Variants in KDM4C observed in about 807,000 individuals in gnomAD.
KDM4C encodes lysine-specific demethylase 4C.
Under a neutral mutation model 129.3 loss-of-function variants are expected in KDM4C, and 81 were observed. That is an observed-to-expected ratio of 0.63 (90% CI 0.52 to 0.75). KDM4C has a LOEUF of 0.75. Ranked by LOEUF, KDM4C falls within the 30% of genes least tolerant of loss-of-function variation. The probability of loss-of-function intolerance (pLI) is 0.00; values close to 1 mark genes in which losing one functional copy is unlikely to be tolerated. For synonymous variants in KDM4C, 573 were observed against 456.1 expected (o/e 1.26, Z -3.26); for missense variants, 1,457 against 1,304.0 (o/e 1.12, Z -1.81).
intron 17 of KDM4C, among the ~76,000 whole-genome samples, chr9:7,053,639 T>C (rs1830508745): frequency 6.6e-6 from 1 of 152,250 alleles, no homozygotes; most frequent in Non-Finnish European, 1.5e-5. Context: ...TTTTAAATAC[T>C]TTAATAATTA....
rs911775287 is a variant in KDM4C, at chr9:7,048,984, C to T, written c.2316-108C>T. 5 of 693,560 alleles carry T rather than the reference C, an allele frequency of 7.2e-6. No individual in the cohort carries two copies. In the Admixed American group the frequency reaches 1.2e-4, roughly 16 times the overall value. 43.0% of individuals were successfully genotyped at this position (693,560 alleles called of 1,614,324 possible). On this transcript the variant is annotated intron_variant, in intron 16 of 21. Coordinates refer to ENST00000381309, the MANE Select transcript of KDM4C (RefSeq NM_015061.6). ...GTTTGTGATGGATTTAGGCTTTTGG[C>T]TTTCTTGCTCATCTGTGTATTTCCC...
At chr9:6,756,020 A>G (rs139980290), upstream of KDM4C, among the ~76,000 whole-genome samples, 3 of 152,318 alleles carry the variant, frequency 2.0e-5, no homozygotes, top group Non-Finnish European at 4.4e-5. Flanking sequence ...TCTAATTCAC[A>G]ATGGTAAAGA....
intron 8 of KDM4C, among the ~76,000 whole-genome samples, chr9:6,936,327 A>G (rs1824779763): frequency 6.6e-6 from 1 of 152,220 alleles, no homozygotes; most frequent in African/African-American, 2.4e-5. Context: ...TATATATGCT[A>G]AAATCATGGA....
At chr9:6,823,006 C>G (rs542668934) in intron 4 of KDM4C, among the ~76,000 whole-genome samples, 10 of 152,316 alleles carry the variant, frequency 6.6e-5, no homozygotes, top group African/African-American at 2.2e-4. Flanking sequence ...TCTAGCAATA[C>G]CTATTGTGTA....
intron 8 of KDM4C, among the ~76,000 whole-genome samples, chr9:6,902,185 A>C (rs759086754): frequency 5.9e-5 from 9 of 152,228 alleles, no homozygotes; most frequent in Non-Finnish European, 1.0e-4. Flanking sequence ...AATGTTTTGT[A>C]CATATATCAT....
chr9:6,996,797 A>AT (rs1450739342), intron 12 of KDM4C, among the ~76,000 whole-genome samples: 1 of 152,140 alleles, frequency 6.6e-6, no homozygotes, highest in Non-Finnish European at 1.5e-5. Flanking sequence ...TTATTAGGTG[A>AT]TTTTAGTTTT....
At chr9:6,823,642 C>A (rs1369883604) in intron 4 of KDM4C, among the ~76,000 whole-genome samples, 2 of 152,196 alleles carry the variant, frequency 1.3e-5, no homozygotes, top group African/African-American at 4.8e-5. Context: ...CCAAAGGTGT[C>A]CCCTACCCTC....
chr9:6,927,197 T>G (rs1383175044), intron 8 of KDM4C, among the ~76,000 whole-genome samples: 1 of 152,134 alleles, frequency 6.6e-6, no homozygotes, highest in African/African-American at 2.4e-5. Flanking sequence ...TGGCATGGTC[T>G]TGGCTCACTG....
intron 19 of KDM4C, among the ~76,000 whole-genome samples, chr9:7,156,790 G>A (rs992417546): frequency 6.6e-6 from 1 of 152,192 alleles, no homozygotes; most frequent in East Asian, 1.9e-4. Flanking sequence ...ATAGCGTGAT[G>A]TCTCCAGCTT....
rs1223070117 is a variant in KDM4C at position 7,174,757 on chromosome 9, G to A, written c.*28G>A. 8 of 1,601,384 alleles carry A rather than the reference G, an allele frequency of 5.0e-6. No homozygotes were observed. The highest frequency in any genetic ancestry group is 3.4e-5 in the Admixed American group (2 of 59,606). On this transcript the variant is annotated 3_prime_UTR_variant, in exon 22 of 22. Transcript: ENST00000381309. Reference sequence around the variant, plus strand: ...TGCATACATCGCTGCAGGCCACAGAGCAGCTTGGGTTGGAAGAGAGAAGAT... The same window carrying A: ...TGCATACATCGCTGCAGGCCACAGAACAGCTTGGGTTGGAAGAGAGAAGAT...
intron 4 of KDM4C, among the ~76,000 whole-genome samples, chr9:6,817,258 A>G (rs1832284808): frequency 1.6e-5 from 2 of 124,732 alleles, no homozygotes; most frequent in South Asian, 2.8e-4. Flanking sequence ...TTGGCATGCA[A>G]TGGCATGATC....
intron 8 of KDM4C, among the ~76,000 whole-genome samples, chr9:6,902,360 A>G (rs1041204398): frequency 3.3e-5 from 5 of 152,174 alleles, no homozygotes; most frequent in African/African-American, 4.8e-5. Flanking sequence ...AATGCACTGT[A>G]TATACCTCTT....
chr9:6,837,467 G>A (rs1019169413), intron 4 of KDM4C, among the ~76,000 whole-genome samples: 4 of 152,122 alleles, frequency 2.6e-5, no homozygotes, highest in East Asian at 3.8e-4. Context: ...CAGTCTAGTC[G>A]CAGAACATTT....
chr9:6,768,143 T>G (rs559690433), intron 1 of KDM4C, among the ~76,000 whole-genome samples: 2 of 152,234 alleles, frequency 1.3e-5, no homozygotes, highest in South Asian at 4.1e-4. Flanking sequence ...GTGTCAGGCA[T>G]TGGAAGACTA....
intron 17 of KDM4C, among the ~76,000 whole-genome samples, chr9:7,061,832 A>G (rs1432563936): frequency 6.6e-6 from 1 of 152,204 alleles, no homozygotes; most frequent in Non-Finnish European, 1.5e-5. Flanking sequence ...AGACTGAAGA[A>G]GGAGTCTGGG....
rs1272222997 is a variant in KDM4C, at chr9:6,816,347, G to T, written c.435+1602G>T. Among the ~76,000 whole-genome samples, 3 of 152,134 alleles carry T rather than the reference G, an allele frequency of 2.0e-5. No homozygotes were observed. In the East Asian group the frequency reaches 5.8e-4, roughly 29 times the overall value. Reference sequence around the variant, plus strand: ...ACCTGTGTACCATTTCTGACACTGAGGAAAACATTACCAGCACCGTAGAAT... The same window carrying T: ...ACCTGTGTACCATTTCTGACACTGATGAAAACATTACCAGCACCGTAGAAT... On this transcript the variant is annotated intron_variant, in intron 4 of 21. Transcript: ENST00000381309.
In KDM4C at chr9:6,859,174, A is replaced by T. The variant is rs150624834; in HGVS notation, c.629+9474A>T. On this transcript the variant is annotated intron_variant, in intron 5 of 21. Coordinates refer to ENST00000381309, the MANE Select transcript of KDM4C (RefSeq NM_015061.6). ...ATGTTTGCCAGGAACCATACTAATC[A>T]CTGTTAGAAATCATCTCTGGTGGCC... 4.8e-4 allele frequency among the ~76,000 whole-genome samples: 73 copies of T among 152,188 alleles called. 1 individual carries two copies. In the East Asian group the frequency reaches 0.013, roughly 28 times the overall value.
At chr9:7,064,011 G>C (rs184554979) in intron 17 of KDM4C, among the ~76,000 whole-genome samples, 1 of 152,140 alleles carries the variant, frequency 6.6e-6, no homozygotes, top group African/African-American at 2.4e-5. Flanking sequence ...GCTACCCTGC[G>C]CTTGGAATGT....
At chr9:7,142,101 AAAAT>A (rs1336405110) in intron 19 of KDM4C, among the ~76,000 whole-genome samples, 1 of 152,204 alleles carries the variant, frequency 6.6e-6, no homozygotes, top group Non-Finnish European at 1.5e-5. Flanking sequence ...GGCTGTTTTA[AAAAT>A]AAATAAATAA....
Sources: gnomAD v4.1 joint callset for allele counts (sites outside exome capture counted in the v4.1 genomes callset) on GRCh38, gnomAD v4.1.1 for gene constraint, MANE v1.5 for transcripts, NCBI Gene and HGNC (gene_info 2026-07-23, HGNC 2026-07-21) for gene names.